RAP1A: variants seen among roughly 807,000 people sequenced by gnomAD.
RAP1A encodes ras-related protein Rap-1A.
In RAP1A, 6 loss-of-function variants were observed where a neutral mutation model predicts 26.4. That is an observed-to-expected ratio of 0.23 (90% CI 0.12 to 0.45). The LOEUF (loss-of-function observed/expected upper bound fraction) is 0.45, where lower values mean the gene tolerates loss of function less well. RAP1A is among the 20% of genes least tolerant of loss of function. RAP1A has a pLI of 0.99. For synonymous variants in RAP1A, 73 were observed against 79.4 expected, an observed-to-expected ratio of 0.92 and a Z score of 0.43; for missense variants, 121 against 217.2, an observed-to-expected ratio of 0.56 and a Z score of 2.78.
intron 1 of RAP1A, chr1:111,648,285 G>T: frequency 1.0e-6 from 1 of 987,648 alleles, no homozygotes; most frequent in Non-Finnish European, 1.5e-6. Context: ...GCTTCTGCTG[G>T]CTTAATTCTC....
chr1:111,666,285 T>C (rs1557884034), intron 1 of RAP1A, among the ~76,000 whole-genome samples: 1 of 152,194 alleles, frequency 6.6e-6, no homozygotes, highest in Non-Finnish European at 1.5e-5. Flanking sequence ...GAATGATGAC[T>C]CTTCTCAAAT....
At chr1:111,616,975 A>C (rs1002715417), upstream of RAP1A, among the ~76,000 whole-genome samples, 1 of 152,202 alleles carries the variant, frequency 6.6e-6, no homozygotes, top group African/African-American at 2.4e-5. Context: ...CAGCCAGTAC[A>C]TATGGCACTC....
In RAP1A at chr1:111,712,589, G is replaced by A. The variant is rs1037748576; in HGVS notation, c.*188G>A. On this transcript the variant is annotated 3_prime_UTR_variant, in exon 8 of 8. Transcript: ENST00000369709. ...GTTCCCTGGAGAAAAAAATTGCTCT[G>A]TGTATATCTCTTGGAAAATAAGACA... is the stretch of plus-strand genomic sequence containing the variant. 2.0e-5 allele frequency: 3 copies of A among 152,474 alleles called. No individual in the cohort carries two copies. Among genetic ancestry groups the A allele is most frequent in the Non-Finnish European group, 4.4e-5 (3 of 67,910 alleles). The allele number at this position is 152,474 out of a possible 1,614,324, so 9.4% of individuals were successfully genotyped here.
At chr1:111,657,969 G>T (rs1156471166) in intron 1 of RAP1A, among the ~76,000 whole-genome samples, 1 of 152,076 alleles carries the variant, frequency 6.6e-6, no homozygotes, top group Non-Finnish European at 1.5e-5. Context: ...TTCTGTAGTA[G>T]TCAGAAAACA....
chr1:111,679,425 C>G (rs1415584156), intron 1 of RAP1A, among the ~76,000 whole-genome samples: 2 of 152,214 alleles, frequency 1.3e-5, no homozygotes, highest in Non-Finnish European at 2.9e-5. Flanking sequence ...GGTCCCTACA[C>G]CACCAGGGTC....
intron 1 of RAP1A, among the ~76,000 whole-genome samples, chr1:111,637,749 C>G (rs1659768534): frequency 6.6e-6 from 1 of 152,052 alleles, no homozygotes; most frequent in Non-Finnish European, 1.5e-5. Context: ...TACCCCATCT[C>G]TAATGGATAA....
chr1:111,624,428 T>C (rs367791612), intron 1 of RAP1A, among the ~76,000 whole-genome samples: 1 of 152,242 alleles, frequency 6.6e-6, no homozygotes, highest in African/African-American at 2.4e-5. Flanking sequence ...GAAACTTTTG[T>C]AATAGTGGTA....
upstream of RAP1A, among the ~76,000 whole-genome samples, chr1:111,617,398 C>T (rs563975253): frequency 5.3e-5 from 8 of 152,328 alleles, no homozygotes; most frequent in African/African-American, 1.9e-4. Flanking sequence ...TATTTGAGGA[C>T]ACTCTTTCTC....
chr1:111,710,864 G>C (rs144419165), intron 7 of RAP1A, among the ~76,000 whole-genome samples: 4 of 151,962 alleles, frequency 2.6e-5, no homozygotes, highest in African/African-American at 9.7e-5. Context: ...ACGGAGTCTC[G>C]CCTTGTCACC....
intron 2 of RAP1A, among the ~76,000 whole-genome samples, chr1:111,693,379 G>A (rs1661728804): frequency 6.6e-6 from 1 of 152,030 alleles, no homozygotes; most frequent in Admixed American, 6.6e-5. Context: ...TTTTGTTTTT[G>A]TTTTAGAATT....
At chr1:111,594,134 C>T (rs1385769791) in intron 1 of RAP1A, among the ~76,000 whole-genome samples, 3 of 152,102 alleles carry the variant, frequency 2.0e-5, no homozygotes, top group Non-Finnish European at 4.4e-5. Flanking sequence ...TTCTCCCACC[C>T]CTATCCCGCA....
chr1:111,674,987 C>G (rs556811023), intron 1 of RAP1A, among the ~76,000 whole-genome samples: 1 of 152,022 alleles, frequency 6.6e-6, no homozygotes, highest in African/African-American at 2.4e-5. Flanking sequence ...GTCTTTTCCC[C>G]GTTATTTACT....
chr1:111,561,773 G>T (rs966452086), intron 1 of RAP1A, among the ~76,000 whole-genome samples: 7 of 152,066 alleles, frequency 4.6e-5, no homozygotes, highest in African/African-American at 1.7e-4. Flanking sequence ...CGTATAATTG[G>T]AAGAGGGCCC....
chr1:111,610,533 A>AACACACACACAC (rs71099922), intron 1 of RAP1A, among the ~76,000 whole-genome samples: 3 of 141,794 alleles, frequency 2.1e-5, no homozygotes, highest in Non-Finnish European at 4.6e-5. Flanking sequence ...CCCTCCACCC[A>AACACACACACAC]ACACACACAC....
At chr1:111,604,108 G>A (rs1257608072) in intron 1 of RAP1A, among the ~76,000 whole-genome samples, 2 of 152,182 alleles carry the variant, frequency 1.3e-5, no homozygotes, top group South Asian at 2.1e-4. Flanking sequence ...ACGTGAATGC[G>A]GAGGAAGTGG....
chr1:111,673,109 A>G (rs1326965323), intron 1 of RAP1A, among the ~76,000 whole-genome samples: 1 of 152,324 alleles, frequency 6.6e-6, no homozygotes, highest in East Asian at 1.9e-4. Flanking sequence ...GTGATTTCAC[A>G]TTACCAAAAA....
chr1:111,593,652 C>CT (rs994763442), intron 1 of RAP1A, among the ~76,000 whole-genome samples: 6,929 of 65,264 alleles, frequency 0.11, 881 homozygotes, highest in African/African-American at 0.19. Context: ...ATGACTCCTA[C>CT]TTTTTTTTTT....
Position 111,564,146 on chromosome 1 carries a change from A to G in RAP1A, c.-28+21637A>G, listed in dbSNP as rs1014219827. Among the ~76,000 whole-genome samples, 29 of 152,318 alleles carry G rather than the reference A, an allele frequency of 1.9e-4. 1 individual carries two copies. Among genetic ancestry groups the G allele is most frequent in the Admixed American group, 4.6e-4 (7 of 15,304 alleles). On this transcript the variant is annotated intron_variant, in intron 1 of 7. Transcript: ENST00000356415. ...CTCCTGCCTCAAGTTTTACACATAAATCAATGAAAATCTGGTCATTGTGTG... is the reference window on the plus strand; with the variant it reads ...CTCCTGCCTCAAGTTTTACACATAAGTCAATGAAAATCTGGTCATTGTGTG...
intron 1 of RAP1A, among the ~76,000 whole-genome samples, chr1:111,687,821 C>G (rs1571561508): frequency 1.3e-5 from 2 of 151,768 alleles, no homozygotes; most frequent in Non-Finnish European, 2.9e-5. Flanking sequence ...TGAGACCAGC[C>G]TAGGTAACAT....
Sources: allele counts gnomAD v4.1 joint callset (sites outside exome capture counted in the v4.1 genomes callset), GRCh38; gene constraint gnomAD v4.1.1; transcripts MANE v1.5; gene names NCBI Gene and HGNC (gene_info 2026-07-23, HGNC 2026-07-21).